UGT1A8: variants seen among roughly 807,000 people sequenced by gnomAD.
UGT1A8 encodes UDP glucuronosyltransferase family 1 member A8.
In UGT1A8, 39 loss-of-function variants were observed where a neutral mutation model predicts 45.3. The observed-to-expected ratio is 0.86, with a 90% CI of 0.67 to 1.12. The LOEUF is 1.12. Ranked by LOEUF, UGT1A8 falls within the 50% of genes most tolerant of loss-of-function variation. UGT1A8 has a pLI of 0.00. For missense variants in UGT1A8, 719 were observed against 664.9 expected (o/e 1.08, Z -0.90); for synonymous variants, 275 against 249.2 (o/e 1.10, Z -0.97).
intron 1 of UGT1A8, among the ~76,000 whole-genome samples, chr2:233,669,835 C>A (rs1575413694): frequency 2.0e-5 from 3 of 152,198 alleles, no homozygotes; most frequent in Non-Finnish European, 4.4e-5. Flanking sequence ...AGGCATGCAC[C>A]ACCACCTGCA....
At chr2:233,742,318 C>T (rs4663966) in intron 1 of UGT1A8, among the ~76,000 whole-genome samples, 10,868 of 151,974 alleles carry the variant, frequency 0.072, 603 homozygotes, top group East Asian at 0.2. Flanking sequence ...GTATTCCTTA[C>T]GGGAAACAAA....
intron 1 of UGT1A8, chr2:233,750,801 G>A (rs763545505): frequency 6.6e-6 from 1 of 151,910 alleles, no homozygotes; most frequent in Non-Finnish European, 1.5e-5. Flanking sequence ...AAGAATTTAG[G>A]TTTGGGAACC....
At chr2:233,746,807 G>C (rs1340541444) in intron 1 of UGT1A8, among the ~76,000 whole-genome samples, 4 of 151,778 alleles carry the variant, frequency 2.6e-5, no homozygotes, top group Admixed American at 2.0e-4. Flanking sequence ...CGTGAATGTG[G>C]ATTGCCTACT....
chr2:233,769,419 A>C lies in UGT1A8; in HGVS notation c.1295+980A>C. The stretch of plus-strand genomic sequence containing the variant: ...TGCATATGTGCGTGTGCGTTTGTGC[A>C]TGTGGCTGTGCTCATGTGTGGGTGC... On this transcript the variant is annotated intron_variant, in intron 4 of 4. Coordinates refer to ENST00000373450, the MANE Select transcript of UGT1A8 (RefSeq NM_019076.5). This position sits in a 1 kb window ranked among gnomAD's most constrained non-coding sequence, Gnocchi z 4.4. 1.4e-6 allele frequency: 2 copies of C among 1,450,006 alleles called. No individual in the cohort carries two copies. The highest frequency in any genetic ancestry group is 9.6e-7 in the Non-Finnish European group (1 of 1,044,304). 89.8% of individuals were successfully genotyped at this position (1,450,006 alleles called of 1,614,324 possible).
chr2:233,738,490 C>T (rs927376982), intron 1 of UGT1A8, among the ~76,000 whole-genome samples: 34 of 152,308 alleles, frequency 2.2e-4, no homozygotes, highest in Middle Eastern at 6.8e-3. Flanking sequence ...ACTTGTTGAA[C>T]GGTTTTGACC....
At chr2:233,714,345 G>A (rs2076380824) in intron 1 of UGT1A8, among the ~76,000 whole-genome samples, 1 of 152,206 alleles carries the variant, frequency 6.6e-6, no homozygotes, top group Non-Finnish European at 1.5e-5. Flanking sequence ...CTCAGAGGAA[G>A]TAGAGGTTTC....
At chr2:233,732,592 G>T (rs1029582982) in intron 1 of UGT1A8, among the ~76,000 whole-genome samples, 1 of 152,094 alleles carries the variant, frequency 6.6e-6, no homozygotes, top group African/African-American at 2.4e-5. Flanking sequence ...TTTTTGTCAG[G>T]TTTGTCAAAG....
chr2:233,662,686 C>T (rs2074000163), intron 1 of UGT1A8, among the ~76,000 whole-genome samples: 1 of 152,124 alleles, frequency 6.6e-6, no homozygotes, highest in African/African-American at 2.4e-5. Flanking sequence ...AGCCCCCATT[C>T]TTGGCATGTG....
rs372029333 is a variant in UGT1A8 at position 233,691,097 on chromosome 2, C to T, written c.855+72535C>T. On this transcript the variant is annotated intron_variant, in intron 1 of 4. Coordinates refer to ENST00000373450, the MANE Select transcript of UGT1A8 (RefSeq NM_019076.5). Reference sequence around the variant, plus strand: ...TGAAGTTTGTAGCATCTCTTGATCCCGCTATTCCTACATGCTTGCTTAAGC... The same window carrying T: ...TGAAGTTTGTAGCATCTCTTGATCCTGCTATTCCTACATGCTTGCTTAAGC... 6.7e-5 allele frequency: 66 copies of T among 986,082 alleles called. No individual in the cohort carries two copies. In the East Asian group the frequency reaches 2.2e-3, roughly 32 times the overall value. The allele number at this position is 986,082 out of a possible 1,614,324, so 61.1% of individuals were successfully genotyped here.
chr2:233,734,099 A>G (rs1454975810), intron 1 of UGT1A8, among the ~76,000 whole-genome samples: 11 of 151,694 alleles, frequency 7.3e-5, no homozygotes, highest in African/African-American at 2.7e-4. Flanking sequence ...TAAAACTTAA[A>G]GTATAATAAT....
chr2:233,768,017 T>G, intron 3 of UGT1A8, 81 bp downstream of exon 3: 1 of 1,613,870 alleles, frequency 6.2e-7, no homozygotes, highest in Admixed American at 1.7e-5. Flanking sequence ...TCTAAAGGAT[T>G]GTTGAGCTTG....
At chr2:233,743,343 C>T in intron 1 of UGT1A8, 5 of 866,282 alleles carry the variant, frequency 5.8e-6, no homozygotes, top group South Asian at 1.4e-5. Context: ...CAGTGGAAGT[C>T]GACATGGACT....
intron 1 of UGT1A8, among the ~76,000 whole-genome samples, chr2:233,739,362 G>T (rs1691069001): frequency 1.3e-5 from 2 of 152,136 alleles, no homozygotes; most frequent in South Asian, 2.1e-4. Context: ...AGATCCAATA[G>T]CTTGCACTGT....
At chr2:233,747,630 C>G in intron 1 of UGT1A8, 1 of 1,577,990 alleles carries the variant, frequency 6.3e-7, no homozygotes, top group Non-Finnish European at 8.7e-7. Flanking sequence ...CCTGATCAGG[C>G]ACCTGAATGC....
At chr2:233,743,996 C>T (rs76063448) in intron 1 of UGT1A8, 37,130 of 1,239,474 alleles carry the variant, frequency 0.03, 683 homozygotes, top group African/African-American at 0.05. Context: ...GGCCCGAGTG[C>T]TCGGAGACCT....
At chr2:233,628,189 TAATA>T (rs2073125745) in intron 1 of UGT1A8, among the ~76,000 whole-genome samples, 1 of 152,094 alleles carries the variant, frequency 6.6e-6, no homozygotes, top group African/African-American at 2.4e-5. Context: ...GTGTGTGGTT[TAATA>T]AATTTTTTAT....
intron 1 of UGT1A8, among the ~76,000 whole-genome samples, chr2:233,627,765 T>G (rs984903616): frequency 6.6e-6 from 1 of 151,846 alleles, no homozygotes; most frequent in Non-Finnish European, 1.5e-5. Context: ...GCTCAGCCTA[T>G]GGTCCCAATC....
intron 1 of UGT1A8, among the ~76,000 whole-genome samples, chr2:233,657,271 C>A (rs2741042): frequency 2.0e-5 from 3 of 152,022 alleles, no homozygotes; most frequent in African/African-American, 7.2e-5. Flanking sequence ...TTTTGTGTTG[C>A]TCTAAAGGAA....
intron 1 of UGT1A8, among the ~76,000 whole-genome samples, chr2:233,643,460 C>G (rs2073512969): frequency 1.3e-5 from 2 of 152,068 alleles, no homozygotes; most frequent in Admixed American, 6.5e-5. Flanking sequence ...GGGCTCCCCT[C>G]TATCCCAGGG....
Sources: gnomAD v4.1 joint callset for allele counts (sites outside exome capture counted in the v4.1 genomes callset) on GRCh38, gnomAD v4.1.1 for gene constraint, Gnocchi (gnomAD v3.1) non-coding constraint, MANE v1.5 for transcripts, NCBI Gene and HGNC (gene_info 2026-07-23, HGNC 2026-07-21) for gene names.